MEMO1: variants seen among roughly 807,000 people sequenced by gnomAD.
MEMO1 encodes the protein protein MEMO1.
A neutral mutation model predicts 45.2 loss-of-function variants in MEMO1; 6 were observed. The observed-to-expected ratio is 0.13, with a 90% CI of 0.07 to 0.26. MEMO1 has a LOEUF of 0.26. MEMO1 is among the 10% of genes least tolerant of loss of function. The pLI, the probability that MEMO1 is intolerant of heterozygous loss-of-function variation, is 1.00. For missense variants in MEMO1, 184 were observed against 370.5 expected, an observed-to-expected ratio of 0.50 and a Z score of 4.13; for synonymous variants, 78 against 124.3, an observed-to-expected ratio of 0.63 and a Z score of 2.48.
intron 7 of MEMO1, among the ~76,000 whole-genome samples, chr2:31,888,536 A>G (rs1676504432): frequency 6.6e-6 from 1 of 152,126 alleles, no homozygotes; most frequent in Admixed American, 6.6e-5. Context: ...GGTCCAGACA[A>G]AATTCTCTCA....
intron 2 of MEMO1, among the ~76,000 whole-genome samples, chr2:31,985,453 G>C (rs112695815): frequency 6.6e-6 from 1 of 152,178 alleles, no homozygotes; most frequent in Admixed American, 6.5e-5. Flanking sequence ...AGCCTCCAGA[G>C]TAGCTGGGAT....
intron 2 of MEMO1, among the ~76,000 whole-genome samples, chr2:31,953,454 A>ATTTTTTTTTTTTTTTTT (rs148325193): frequency 6.9e-6 from 1 of 143,938 alleles, no homozygotes; most frequent in African/African-American, 2.6e-5. Flanking sequence ...CTTTCATAAG[A>ATTTTTTTTTTTTTTTTT]TTTTTTTTTT....
At chr2:31,998,761 T>C (rs1479159817) in intron 2 of MEMO1, among the ~76,000 whole-genome samples, 4 of 151,526 alleles carry the variant, frequency 2.6e-5, no homozygotes, top group South Asian at 2.1e-4. Context: ...GATCATGCCA[T>C]TGCACTCCAG....
intron 2 of MEMO1, among the ~76,000 whole-genome samples, chr2:31,977,141 A>G (rs1166572162): frequency 6.6e-6 from 1 of 152,142 alleles, no homozygotes; most frequent in Non-Finnish European, 1.5e-5. Context: ...TTCAAACAGA[A>G]AGAAGCCATG....
chr2:31,996,848 A>G (rs1277265477), intron 2 of MEMO1, among the ~76,000 whole-genome samples: 2 of 152,236 alleles, frequency 1.3e-5, no homozygotes, highest in East Asian at 3.9e-4. Flanking sequence ...ATCCTGCCTC[A>G]GACTCCCGAA....
At chr2:31,914,620 C>A (rs1044129902) in intron 6 of MEMO1, among the ~76,000 whole-genome samples, 2 of 151,862 alleles carry the variant, frequency 1.3e-5, no homozygotes, top group Non-Finnish European at 2.9e-5. Context: ...ACACCATGCA[C>A]CCACAAAAAT....
At chr2:31,982,693 A>G (rs1409932537) in intron 2 of MEMO1, among the ~76,000 whole-genome samples, 2 of 152,114 alleles carry the variant, frequency 1.3e-5, no homozygotes, top group Non-Finnish European at 2.9e-5. Context: ...CTAAAGGCAC[A>G]AAAGCTGTAT....
chr2:31,875,066 T>A (rs1348307895), intron 8 of MEMO1, among the ~76,000 whole-genome samples: 1 of 151,922 alleles, frequency 6.6e-6, no homozygotes, highest in African/African-American at 2.4e-5. Flanking sequence ...ATAGAACACT[T>A]ATGAGCCATT....
At chr2:31,900,839 T>C (rs566955367) in intron 6 of MEMO1, among the ~76,000 whole-genome samples, 58 of 152,312 alleles carry the variant, frequency 3.8e-4, no homozygotes, top group Non-Finnish European at 6.3e-4. Flanking sequence ...GCAAGCCTCA[T>C]GCACTATTCC....
chr2:31,946,427 C>T (rs1309298096), intron 2 of MEMO1, among the ~76,000 whole-genome samples: 3 of 152,120 alleles, frequency 2.0e-5, no homozygotes, highest in Non-Finnish European at 1.5e-5. Flanking sequence ...TGGTGTTCAT[C>T]TTAAAATTTG....
intron 7 of MEMO1, among the ~76,000 whole-genome samples, chr2:31,891,312 G>A (rs550762768): frequency 2.0e-4 from 30 of 152,254 alleles, no homozygotes; most frequent in African/African-American, 7.2e-4. Flanking sequence ...AAAGCAAACT[G>A]CATCCAAAGA....
In MEMO1 at chr2:31,996,543, C is replaced by CA. The variant is rs570063595; in HGVS notation, c.61+13643dup. Among the ~76,000 whole-genome samples, 13 of 147,652 alleles carry CA rather than the reference C, an allele frequency of 8.8e-5. 2 individuals are homozygous for CA. The highest frequency in any genetic ancestry group is 3.5e-3 in the Middle Eastern group (1 of 284). Reference sequence around the variant, plus strand: ...TGGGCAACAGAGTGACACCCTATCTCAAAAAAAAAGGAAACTAAAAGAAAA... The same window carrying CA: ...TGGGCAACAGAGTGACACCCTATCTCAAAAAAAAAAGGAAACTAAAAGAAAA... On this transcript the variant is annotated intron_variant, in intron 2 of 9. Coordinates refer to ENST00000404530, the MANE Select transcript of MEMO1 (RefSeq NM_001301833.4).
intron 8 of MEMO1, among the ~76,000 whole-genome samples, chr2:31,874,383 T>C (rs1344668554): frequency 1.3e-5 from 2 of 152,108 alleles, no homozygotes; most frequent in Non-Finnish European, 2.9e-5. Flanking sequence ...AGTTTAGATA[T>C]CCTATGCTAC....
intron 2 of MEMO1, among the ~76,000 whole-genome samples, chr2:31,945,020 G>A (rs1224439139): frequency 1.3e-5 from 2 of 152,014 alleles, no homozygotes; most frequent in Non-Finnish European, 2.9e-5. Context: ...CCTCCTTAGA[G>A]GTAACCACTT....
intron 2 of MEMO1, among the ~76,000 whole-genome samples, chr2:31,980,656 T>C (rs1354685703): frequency 6.6e-6 from 1 of 152,122 alleles, no homozygotes; most frequent in African/African-American, 2.4e-5. Context: ...CCAACATTTT[T>C]CACTGTATTT....
At chr2:31,995,687 G>C (rs1672505425) in intron 2 of MEMO1, among the ~76,000 whole-genome samples, 1 of 150,512 alleles carries the variant, frequency 6.6e-6, no homozygotes, top group Non-Finnish European at 1.5e-5. Context: ...TGGAGTGTCA[G>C]AAATACAAAA....
intron 2 of MEMO1, among the ~76,000 whole-genome samples, chr2:31,949,742 A>G (rs1323166949): frequency 6.6e-6 from 1 of 152,066 alleles, no homozygotes; most frequent in Non-Finnish European, 1.5e-5. Flanking sequence ...TCATTTTAAA[A>G]TAATTTAGAG....
intron 2 of MEMO1, among the ~76,000 whole-genome samples, chr2:31,999,299 T>C (rs1162063445): frequency 6.6e-6 from 1 of 152,038 alleles, no homozygotes; most frequent in Non-Finnish European, 1.5e-5. Flanking sequence ...GCCAAGTAAT[T>C]ATATTAAATC....
chr2:31,946,272 T>C (rs1471644910), intron 2 of MEMO1, among the ~76,000 whole-genome samples: 3 of 152,158 alleles, frequency 2.0e-5, no homozygotes, highest in East Asian at 1.9e-4. Flanking sequence ...TATTTGTGTT[T>C]CAATAACATG....
Sources: allele counts gnomAD v4.1 joint callset (sites outside exome capture counted in the v4.1 genomes callset), GRCh38; gene constraint gnomAD v4.1.1; transcripts MANE v1.5; gene names NCBI Gene and HGNC (gene_info 2026-07-23, HGNC 2026-07-21).